MTUS1: variants seen among roughly 807,000 people sequenced by gnomAD.
The protein encoded by MTUS1 is microtubule-associated tumor suppressor 1.
A neutral mutation model predicts 120.8 loss-of-function variants in MTUS1; 109 were observed. That is an observed-to-expected ratio of 0.90 (90% CI 0.77 to 1.06). The LOEUF is 1.06. Ranked by LOEUF, MTUS1 falls within the 50% of genes least tolerant of loss-of-function variation. MTUS1 has a pLI of 0.00. For missense variants in MTUS1, 2,210 were observed against 1,486.3 expected, an observed-to-expected ratio of 1.49 and a Z score of -8.01; for synonymous variants, 737 against 550.5, an observed-to-expected ratio of 1.34 and a Z score of -4.74.
chr8:17,685,919 G>C (rs947720857), intron 6 of MTUS1, among the ~76,000 whole-genome samples: 3 of 152,146 alleles, frequency 2.0e-5, no homozygotes, highest in South Asian at 4.1e-4. Flanking sequence ...GTAGAAAATA[G>C]CCAAGTTAAT....
chr8:17,657,294 C>T lies in MTUS1; in HGVS notation c.2906-1229G>A, dbSNP rs537074296. Among the ~76,000 whole-genome samples, 14 of 151,794 alleles carry T rather than the reference C, an allele frequency of 9.2e-5. No homozygotes were observed. In the South Asian group the frequency reaches 1.0e-3, roughly 11 times the overall value. On this transcript the variant is annotated intron_variant, in intron 8 of 14. Coordinates refer to ENST00000693296, the MANE Select transcript of MTUS1 (RefSeq NM_001363059.2). ...AGTATTTTAAGAAGCTGAGACCGGG[C>T]GCGGTGGCTCACGCCTGTAATCCCA...
intron 3 of MTUS1, among the ~76,000 whole-genome samples, chr8:17,741,259 C>T (rs1563300309): frequency 6.6e-6 from 1 of 152,126 alleles, no homozygotes; most frequent in East Asian, 1.9e-4. Context: ...CCTTCATCAC[C>T]TCCTCACCAG....
In MTUS1 at chr8:17,645,765, C is replaced by T; in HGVS notation, c.*161G>A. On this transcript the variant is annotated 3_prime_UTR_variant, in exon 15 of 15. Transcript: ENST00000693296. ...AGGCAAAAGTCTTCCTCCAGAGTTC[C>T]AGTCTCAGAAGCTGCGATTCCGCCG... The T allele has an allele frequency of 2.2e-6, 2 of 896,062 alleles. No individual in the cohort carries two copies. The highest frequency in any genetic ancestry group is 3.1e-6 in the Non-Finnish European group (2 of 640,614). The allele number at this position is 896,062 out of a possible 1,614,324, so 55.5% of individuals were successfully genotyped here.
rs562739650 is a variant in MTUS1 at position 17,647,256 on chromosome 8, A to G, written c.3502-177T>C. On this transcript the variant is annotated intron_variant, in intron 13 of 14. Coordinates refer to ENST00000693296, the MANE Select transcript of MTUS1 (RefSeq NM_001363059.2). ...GAAAAAGATTTTAAAACAGCAAAACAGAGCGGCTGGGTATTTTTAAAACAT... is the reference window on the plus strand; with the variant it reads ...GAAAAAGATTTTAAAACAGCAAAACGGAGCGGCTGGGTATTTTTAAAACAT... 12 of 545,638 alleles carry G rather than the reference A, an allele frequency of 2.2e-5. No homozygotes were observed. The South Asian group carries it at 3.0e-4, about 14-fold the overall frequency. The allele number at this position is 545,638 out of a possible 1,614,324, so 33.8% of individuals were successfully genotyped here.
At chr8:17,727,127 A>G (rs2046277007) in intron 3 of MTUS1, among the ~76,000 whole-genome samples, 3 of 152,206 alleles carry the variant, frequency 2.0e-5, no homozygotes, top group Admixed American at 1.3e-4. Context: ...AATGGCAGCC[A>G]GTCCTCACCA....
intron 13 of MTUS1, among the ~76,000 whole-genome samples, chr8:17,648,358 T>C (rs868262552): frequency 1.3e-5 from 2 of 152,114 alleles, no homozygotes; most frequent in African/African-American, 4.8e-5. Context: ...AAGAAACAAA[T>C]AGTAGATCAT....
At chr8:17,796,988 T>C (rs1440724153) in intron 1 of MTUS1, among the ~76,000 whole-genome samples, 4 of 152,032 alleles carry the variant, frequency 2.6e-5, no homozygotes, top group Non-Finnish European at 5.9e-5. Context: ...GGCGCACACC[T>C]GTAATCCCAG....
At chr8:17,800,555 C>T (rs372836916) in intron 1 of MTUS1, 27 of 152,292 alleles carry the variant, frequency 1.8e-4, no homozygotes, top group East Asian at 5.8e-4. Context: ...CCTCAGTGAA[C>T]ACCTAAGTCC....
At chr8:17,676,045 T>G in intron 7 of MTUS1, 1 of 559,918 alleles carries the variant, frequency 1.8e-6, no homozygotes, top group Non-Finnish European at 3.2e-6. Context: ...CACCAGGGAG[T>G]AACTAAAAAA....
At position 17,755,771 on chromosome 8, in the gene MTUS1, C is replaced by T; in HGVS notation, c.37G>A (p.Glu13Lys). 1 of 1,613,702 alleles carries T rather than the reference C, an allele frequency of 6.2e-7. No homozygotes were observed. The highest frequency in any genetic ancestry group is 1.1e-5 in the South Asian group (1 of 91,022). The change falls in exon 2 of 15, where the codon GAA becomes AAA. Residue 13 changes from glutamate (E) to lysine (K), a missense_variant. Coordinates refer to ENST00000693296, the MANE Select transcript of MTUS1 (RefSeq NM_001363059.2). ...TCACTGGTAAAGAAGGTTTGCAATTCATCTTCTATTTTATCATCTGAATTA... is the reference window on the plus strand; with the variant it reads ...TCACTGGTAAAGAAGGTTTGCAATTTATCTTCTATTTTATCATCTGAATTA... Reference protein sequence around the residue: ...DDNSDDKIEDELQTFFTSDKD... With the variant: ...DDNSDDKIEDKLQTFFTSDKD...
At position 17,653,283 on chromosome 8, in the gene MTUS1, TA is replaced by T. The variant is rs1178655611; in HGVS notation, c.3289-3del. The T allele has an allele frequency of 2.6e-6, 4 of 1,542,736 alleles. No individual in the cohort carries two copies. The African/African-American group carries it at 5.6e-5, about 21-fold the overall frequency. On this transcript the variant is annotated splice_polypyrimidine_tract_variant and splice_region_variant and intron_variant, in intron 11 of 14. Transcript: ENST00000693296. ...ACTCTTCAGATCATTGATTTGCTTCTAAAACACAATGAAATGTGGAACTTAA... is the reference window on the plus strand; with the variant it reads ...ACTCTTCAGATCATTGATTTGCTTCTAAACACAATGAAATGTGGAACTTAA...
At chr8:17,707,713 G>A (rs1820454953) in intron 6 of MTUS1, among the ~76,000 whole-genome samples, 2 of 152,140 alleles carry the variant, frequency 1.3e-5, no homozygotes. Context: ...GAAAGACGTT[G>A]AATGACTCAC....
chr8:17,679,652 C>G (rs901206617), intron 7 of MTUS1, among the ~76,000 whole-genome samples: 2 of 152,198 alleles, frequency 1.3e-5, no homozygotes, highest in Non-Finnish European at 2.9e-5. Flanking sequence ...CAGGCACATG[C>G]CACCATGCCT....
At chr8:17,726,215 G>A (rs1013274908) in intron 3 of MTUS1, among the ~76,000 whole-genome samples, 1 of 152,122 alleles carries the variant, frequency 6.6e-6, no homozygotes, top group African/African-American at 2.4e-5. Context: ...ACCACCTGCA[G>A]TTTCACAAGA....
Position 17,649,424 on chromosome 8 carries a change from TATTCATTTCTATTAA to T in MTUS1, c.3501+407_3501+421del, listed in dbSNP as rs538846726. On this transcript the variant is annotated intron_variant, in intron 13 of 14. Coordinates refer to ENST00000693296, the MANE Select transcript of MTUS1 (RefSeq NM_001363059.2). ...GAAGAATTTTGATAAATAGTATTGC[TATTCATTTCTATTAA>T]ATTCATTTCTATTCATTTCTATTAA... Among the ~76,000 whole-genome samples, 945 of 152,342 alleles carry T rather than the reference TATTCATTTCTATTAA, an allele frequency of 6.2e-3. 6 individuals carry two copies. Among genetic ancestry groups the T allele is most frequent in the South Asian group, 0.029 (141 of 4,828 alleles).
At position 17,787,538 on chromosome 8, in the gene MTUS1, T is replaced by C. The variant is rs149606192; in HGVS notation, c.-155+13523A>G. 7.0e-3 allele frequency among the ~76,000 whole-genome samples: 1,061 copies of C among 152,310 alleles called. 7 individuals carry two copies. The highest frequency in any genetic ancestry group is 9.7e-3 in the Non-Finnish European group (658 of 68,026). The stretch of plus-strand genomic sequence containing the variant: ...TAGGTCTGCACAGCTATGGACCTTA[T>C]AGCCACCTGATATGAGAAGCATACG... On this transcript the variant is annotated intron_variant, in intron 1 of 14. Coordinates refer to ENST00000693296, the MANE Select transcript of MTUS1 (RefSeq NM_001363059.2).
intron 10 of MTUS1, 177 bp from the exon 11 acceptor site, chr8:17,653,675 G>C: frequency 1.8e-6 from 1 of 551,856 alleles, no homozygotes; most frequent in Non-Finnish European, 3.1e-6. Context: ...CTTGAGAGGT[G>C]GTTAGGGTAG....
At chr8:17,752,733 C>A (rs1470134973) in intron 2 of MTUS1, among the ~76,000 whole-genome samples, 2 of 152,156 alleles carry the variant, frequency 1.3e-5, no homozygotes, top group Non-Finnish European at 2.9e-5. Context: ...AAGGGACAGG[C>A]TGTCTGTGTC....
intron 6 of MTUS1, among the ~76,000 whole-genome samples, chr8:17,709,144 A>AG (rs1820763353): frequency 6.6e-6 from 1 of 151,906 alleles, no homozygotes; most frequent in African/African-American, 2.4e-5. Flanking sequence ...CTCAAAAAAA[A>AG]AAAAAGAAAA....
Sources: gnomAD v4.1 joint callset for allele counts (sites outside exome capture counted in the v4.1 genomes callset) on GRCh38, gnomAD v4.1.1 for gene constraint, MANE v1.5 for transcripts, NCBI Gene and HGNC (gene_info 2026-07-23, HGNC 2026-07-21) for gene names.